DOK6: variants seen among roughly 807,000 people sequenced by gnomAD.
DOK6 encodes docking protein 6, also known as downstream of tyrosine kinase 6.
In DOK6, 22 loss-of-function variants were observed where a neutral mutation model predicts 44.0. The ratio of observed to expected loss-of-function variants is 0.50; its 90% confidence interval spans 0.36 to 0.71. The LOEUF is 0.71. Among genes scored for constraint, DOK6 ranks in the 30% least tolerant of loss-of-function variants. The pLI, the probability that DOK6 is intolerant of heterozygous loss-of-function variation, is 0.00. For synonymous variants in DOK6, 166 were observed against 145.5 expected (o/e 1.14, Z -1.01); for missense variants, 340 against 416.4 (o/e 0.82, Z 1.60).
At chr18:69,422,894 A>G (rs752311838) in intron 1 of DOK6, among the ~76,000 whole-genome samples, 16 of 152,212 alleles carry the variant, frequency 1.1e-4, no homozygotes, top group Non-Finnish European at 1.9e-4. Flanking sequence ...TTACATTTAG[A>G]TTTTTTAAAT....
intron 3 of DOK6, among the ~76,000 whole-genome samples, chr18:69,642,722 A>G (rs910367358): frequency 6.6e-6 from 1 of 152,108 alleles, no homozygotes; most frequent in Non-Finnish European, 1.5e-5. Context: ...GAATGTCTAC[A>G]TGTATCTGTT....
chr18:69,742,590 T>C (rs1249510001), intron 6 of DOK6, among the ~76,000 whole-genome samples: 1 of 152,094 alleles, frequency 6.6e-6, no homozygotes, highest in Non-Finnish European at 1.5e-5. Context: ...ACTGACAACA[T>C]ATTAAGGAGA....
chr18:69,815,157 A>C (rs566123640), intron 7 of DOK6, among the ~76,000 whole-genome samples: 1 of 152,280 alleles, frequency 6.6e-6, no homozygotes, highest in African/African-American at 2.4e-5. Context: ...TTAATGGGAA[A>C]TGAAAGACAG....
rs140353294 is a variant in DOK6 at position 69,514,333 on chromosome 18, T to A, written c.67-50154T>A. ...TTAAGAACACTTTTCTCCTTTGCCA[T>A]CCTCTTGAAAAATTAACAAGACTTG... On this transcript the variant is annotated intron_variant, in intron 1 of 7. Coordinates refer to ENST00000382713, the MANE Select transcript of DOK6 (RefSeq NM_152721.6). Among the ~76,000 whole-genome samples, 24 of 152,224 alleles carry A rather than the reference T, an allele frequency of 1.6e-4. No individual in the cohort carries two copies. In the East Asian group the frequency reaches 4.6e-3, roughly 29 times the overall value.
intron 7 of DOK6, among the ~76,000 whole-genome samples, chr18:69,795,678 A>C (rs568369614): frequency 6.6e-6 from 1 of 152,238 alleles, no homozygotes; most frequent in Admixed American, 6.5e-5. Context: ...CTTTTTAATA[A>C]AGTTCGTTCA....
intron 2 of DOK6, among the ~76,000 whole-genome samples, chr18:69,594,132 T>G (rs949672329): frequency 3.3e-5 from 5 of 152,058 alleles, no homozygotes; most frequent in Non-Finnish European, 7.4e-5. Context: ...AAAAACTTCA[T>G]ATTTCTCTCC....
chr18:69,752,444 A>AT (rs1164112841), intron 6 of DOK6, among the ~76,000 whole-genome samples: 2 of 152,138 alleles, frequency 1.3e-5, no homozygotes, highest in African/African-American at 2.4e-5. Flanking sequence ...TAGTTTTGAG[A>AT]TTTTTTAGTT....
intron 1 of DOK6, among the ~76,000 whole-genome samples, chr18:69,423,753 T>A (rs1216902945): frequency 6.6e-6 from 1 of 152,224 alleles, no homozygotes. Flanking sequence ...ATTTTTCCAG[T>A]TATGAAATAT....
chr18:69,685,586 C>T (rs935629508), intron 4 of DOK6, among the ~76,000 whole-genome samples: 1 of 152,220 alleles, frequency 6.6e-6, no homozygotes, highest in African/African-American at 2.4e-5. Context: ...GGCTCACCCA[C>T]ACCTACAAAG....
At chr18:69,819,537 A>G (rs1208359953) in intron 7 of DOK6, among the ~76,000 whole-genome samples, 1 of 152,174 alleles carries the variant, frequency 6.6e-6, no homozygotes, top group African/African-American at 2.4e-5. Context: ...AACACTTAAC[A>G]TGAGATCCAC....
chr18:69,608,417 A>G (rs1479203360), intron 3 of DOK6, among the ~76,000 whole-genome samples: 1 of 152,164 alleles, frequency 6.6e-6, no homozygotes. Context: ...AACTTGTAGT[A>G]TATTTGAAAT....
At chr18:69,589,237 A>G (rs1381702406) in intron 2 of DOK6, among the ~76,000 whole-genome samples, 2 of 152,138 alleles carry the variant, frequency 1.3e-5, no homozygotes, top group Non-Finnish European at 1.5e-5. Flanking sequence ...AATAACGAAA[A>G]TGCAGTAAAA....
chr18:69,689,462 G>T (rs1986218893), intron 4 of DOK6, among the ~76,000 whole-genome samples: 1 of 152,128 alleles, frequency 6.6e-6, no homozygotes, highest in East Asian at 1.9e-4. Flanking sequence ...CCAATATACA[G>T]AATTCTCACA....
At chr18:69,775,181 G>A (rs1355979367) in intron 7 of DOK6, among the ~76,000 whole-genome samples, 2 of 151,970 alleles carry the variant, frequency 1.3e-5, no homozygotes, top group East Asian at 1.9e-4. Context: ...AAATATGCAA[G>A]AATAAATACT....
chr18:69,743,668 A>G (rs1475569104), intron 6 of DOK6, among the ~76,000 whole-genome samples: 1 of 152,094 alleles, frequency 6.6e-6, no homozygotes, highest in Non-Finnish European at 1.5e-5. Context: ...AGAATGAGAA[A>G]AAAAAAGATT....
intron 2 of DOK6, among the ~76,000 whole-genome samples, chr18:69,591,860 A>G (rs1156858227): frequency 6.6e-6 from 1 of 152,110 alleles, no homozygotes; most frequent in Non-Finnish European, 1.5e-5. Context: ...AGACTAATAT[A>G]GGTTAGTTGA....
chr18:69,602,133 T>C (rs1023093465), intron 3 of DOK6, among the ~76,000 whole-genome samples: 3 of 152,130 alleles, frequency 2.0e-5, no homozygotes, highest in African/African-American at 7.2e-5. Context: ...GGGCTGTTCA[T>C]AGTTACTTCC....
intron 3 of DOK6, among the ~76,000 whole-genome samples, chr18:69,605,612 A>G (rs780337889): frequency 2.6e-5 from 4 of 152,182 alleles, no homozygotes; most frequent in African/African-American, 4.8e-5. Flanking sequence ...ATATTCAGGA[A>G]ATAATCCCAC....
intron 7 of DOK6, among the ~76,000 whole-genome samples, chr18:69,789,469 TTG>T (rs928883095): frequency 2.6e-5 from 4 of 151,534 alleles, no homozygotes; most frequent in Middle Eastern, 3.2e-3. Context: ...GCGTGTGTGT[TTG>T]TGTGTGTGTG....
Sources: gnomAD v4.1 joint callset for allele counts (sites outside exome capture counted in the v4.1 genomes callset) on GRCh38, gnomAD v4.1.1 for gene constraint, MANE v1.5 for transcripts, NCBI Gene and HGNC (gene_info 2026-07-23, HGNC 2026-07-21) for gene names.